MYO1D: variants seen among roughly 807,000 people sequenced by gnomAD.
MYO1D encodes myosin ID.
A neutral mutation model predicts 122.0 loss-of-function variants in MYO1D; 83 were observed. The ratio of observed to expected loss-of-function variants is 0.68; its 90% CI spans 0.57 to 0.82. The LOEUF (loss-of-function observed/expected upper bound fraction) is 0.82. Ranked by LOEUF, MYO1D falls within the 40% of genes least tolerant of loss-of-function variation. The probability of loss-of-function intolerance (pLI) is 0.00; values close to 1 mark genes in which losing one functional copy is unlikely to be tolerated. For synonymous variants in MYO1D, 464 were observed against 446.9 expected (o/e 1.04, Z -0.48); for missense variants, 1,157 against 1,269.5 (o/e 0.91, Z 1.35).
At chr17:32,575,719 T>C (rs1597906802) in intron 21 of MYO1D, among the ~76,000 whole-genome samples, 1 of 152,238 alleles carries the variant, frequency 6.6e-6, no homozygotes, top group East Asian at 1.9e-4. Context: ...CTTTGGAGTT[T>C]GCCTGGATCC....
At chr17:32,832,203 C>T (rs1185364959) in intron 1 of MYO1D, among the ~76,000 whole-genome samples, 1 of 151,768 alleles carries the variant, frequency 6.6e-6, no homozygotes, top group Non-Finnish European at 1.5e-5. Flanking sequence ...CCTCCCTGGG[C>T]TCAGGTAACT....
intron 17 of MYO1D, among the ~76,000 whole-genome samples, chr17:32,658,287 T>C (rs1413490069): frequency 6.6e-6 from 1 of 152,222 alleles, no homozygotes; most frequent in East Asian, 1.9e-4. Context: ...CATTAGTTCT[T>C]GTACATTCAG....
intron 1 of MYO1D, among the ~76,000 whole-genome samples, chr17:32,872,290 T>A (rs1346576693): frequency 6.6e-6 from 1 of 152,172 alleles, no homozygotes; most frequent in African/African-American, 2.4e-5. Context: ...TTATTTATTT[T>A]GAGACGGAGT....
chr17:32,823,285 G>A (rs1384486270), intron 1 of MYO1D, among the ~76,000 whole-genome samples: 1 of 152,126 alleles, frequency 6.6e-6, no homozygotes, highest in African/African-American at 2.4e-5. Context: ...TAGACTGAGT[G>A]AGCACCCAGG....
chr17:32,820,676 A>C (rs1410006213), intron 1 of MYO1D, among the ~76,000 whole-genome samples: 2 of 152,174 alleles, frequency 1.3e-5, no homozygotes, highest in Non-Finnish European at 2.9e-5. Context: ...GGACATGGAG[A>C]GATATTGGTC....
chr17:32,709,045 C>A (rs570955428), intron 16 of MYO1D, among the ~76,000 whole-genome samples: 108 of 152,242 alleles, frequency 7.1e-4, no homozygotes, highest in African/African-American at 2.5e-3. Flanking sequence ...CTTTGGCTAG[C>A]AGAGCTGCCA....
chr17:32,594,718 A>G (rs1187835188), intron 21 of MYO1D, among the ~76,000 whole-genome samples: 2 of 152,262 alleles, frequency 1.3e-5, no homozygotes, highest in African/African-American at 4.8e-5. Context: ...TCTTACATAA[A>G]GGGCATATGG....
intron 21 of MYO1D, among the ~76,000 whole-genome samples, chr17:32,527,572 C>T (rs1331778807): frequency 2.0e-5 from 3 of 152,180 alleles, no homozygotes; most frequent in African/African-American, 4.8e-5. Context: ...ATGGGAGGAT[C>T]GCTTGAGCCC....
intron 21 of MYO1D, among the ~76,000 whole-genome samples, chr17:32,545,018 A>C (rs2086954220): frequency 1.3e-5 from 2 of 152,050 alleles, no homozygotes; most frequent in Non-Finnish European, 2.9e-5. Flanking sequence ...TTGCGTATTG[A>C]TATGGAGTCT....
chr17:32,517,014 GAACAATTCAATAAA>G (rs1354837793), intron 21 of MYO1D, among the ~76,000 whole-genome samples: 3 of 151,326 alleles, frequency 2.0e-5, no homozygotes, highest in Admixed American at 6.6e-5. Flanking sequence ...ATTGGAAGGT[GAACAATTCAATAAA>G]AACGACACCA....
chr17:32,822,659 G>A (rs925440860), intron 1 of MYO1D, among the ~76,000 whole-genome samples: 11 of 149,552 alleles, frequency 7.4e-5, no homozygotes, highest in African/African-American at 2.7e-4. Context: ...GGGCCCCGGT[G>A]GGGCGGCCAC....
At chr17:32,753,476 G>A (rs1368830035) in intron 11 of MYO1D, among the ~76,000 whole-genome samples, 4 of 152,204 alleles carry the variant, frequency 2.6e-5, no homozygotes. Context: ...CACTTGGTCT[G>A]AAAGTTGGGA....
In MYO1D at chr17:32,578,887, T is replaced by C. The variant is rs1204734026; in HGVS notation, c.2864+26200A>G. Among the ~76,000 whole-genome samples the C allele has an allele frequency of 3.9e-5, 6 of 152,166 alleles. No homozygotes were observed. The South Asian group carries it at 6.2e-4, about 16-fold the overall frequency. The stretch of plus-strand genomic sequence containing the variant: ...TCTACATGTTTCCTTGATGACTTCC[T>C]CCTGCTTTGGCGTAACTTCAGACTC... On this transcript the variant is annotated intron_variant, in intron 21 of 21. Transcript: ENST00000318217.
At chr17:32,637,799 C>T (rs1234267013) in intron 20 of MYO1D, among the ~76,000 whole-genome samples, 2 of 152,028 alleles carry the variant, frequency 1.3e-5, no homozygotes, top group Non-Finnish European at 2.9e-5. Flanking sequence ...ATAGTGAAGA[C>T]GGATCTCCAC....
chr17:32,640,837 T>C (rs1204966863), intron 19 of MYO1D, among the ~76,000 whole-genome samples: 2 of 151,984 alleles, frequency 1.3e-5, no homozygotes, highest in Non-Finnish European at 2.9e-5. Flanking sequence ...GACAAGTTGG[T>C]TTCAGAAATA....
chr17:32,701,402 T>C (rs1247485785), intron 16 of MYO1D, among the ~76,000 whole-genome samples: 1 of 152,192 alleles, frequency 6.6e-6, no homozygotes, highest in Non-Finnish European at 1.5e-5. Flanking sequence ...GTCCATTTTA[T>C]CTTGTTAGGT....
chr17:32,841,591 T>C (rs766022912), intron 1 of MYO1D, among the ~76,000 whole-genome samples: 1 of 152,122 alleles, frequency 6.6e-6, no homozygotes, highest in Non-Finnish European at 1.5e-5. Context: ...ATAATAGGTG[T>C]CTACTACAAA....
chr17:32,818,125 C>CCAAAAAAAAAAAAAAAAAA (rs2090628932), intron 1 of MYO1D, among the ~76,000 whole-genome samples: 1 of 46,018 alleles, frequency 2.2e-5, no homozygotes, highest in African/African-American at 6.7e-5. Flanking sequence ...GACTCCGTCT[C>CCAAAAAAAAAAAAAAAAAA]AAAAAAAAAA....
intron 21 of MYO1D, among the ~76,000 whole-genome samples, chr17:32,506,046 C>T (rs1909492040): frequency 6.6e-6 from 1 of 152,182 alleles, no homozygotes; most frequent in Non-Finnish European, 1.5e-5. Flanking sequence ...TAATGAGACC[C>T]CATCTCTAAG....
Sources: gnomAD v4.1 joint callset for allele counts (sites outside exome capture counted in the v4.1 genomes callset) on GRCh38, gnomAD v4.1.1 for gene constraint, MANE v1.5 for transcripts, NCBI Gene and HGNC (gene_info 2026-07-23, HGNC 2026-07-21) for gene names.